Variants in LARP4B observed in about 807,000 individuals in gnomAD.
The protein encoded by LARP4B is la-related protein 4B.
Under a neutral mutation model 89.8 loss-of-function variants are expected in LARP4B, and 12 were observed. The observed-to-expected ratio is 0.13, with a 90% CI of 0.09 to 0.22. LARP4B has a LOEUF of 0.22. LARP4B is among the 10% of genes least tolerant of loss of function. LARP4B has a pLI of 1.00. For missense variants in LARP4B, 757 were observed against 947.7 expected, an observed-to-expected ratio of 0.80 and a Z score of 2.64; for synonymous variants, 367 against 363.3, an observed-to-expected ratio of 1.01 and a Z score of -0.12.
intron 1 of LARP4B, among the ~76,000 whole-genome samples, chr10:907,362 T>C (rs144897663): frequency 8.0e-4 from 122 of 152,270 alleles, no homozygotes; most frequent in African/African-American, 2.9e-3. Flanking sequence ...TTCCAAGTGG[T>C]GTAATAAGGG....
intron 1 of LARP4B, among the ~76,000 whole-genome samples, chr10:898,854 C>A (rs921445972): frequency 4.6e-5 from 7 of 152,320 alleles, no homozygotes; most frequent in Non-Finnish European, 1.0e-4. Flanking sequence ...CTACTAAGTT[C>A]AGTGAGGCTA....
At chr10:836,177 A>G (rs1419886364) in intron 8 of LARP4B, among the ~76,000 whole-genome samples, 1 of 152,198 alleles carries the variant, frequency 6.6e-6, no homozygotes, top group Non-Finnish European at 1.5e-5. Flanking sequence ...AGAAATGCAT[A>G]AACCTTCACT....
chr10:967,243 G>A, the LARP4B span, among the ~76,000 whole-genome samples: 1 of 152,204 alleles, frequency 6.6e-6, no homozygotes, highest in African/African-American at 2.4e-5. Context: ...AATGGGCGCA[G>A]CGCAGGGAGG....
At chr10:860,980 C>T (rs567152642) in intron 5 of LARP4B, among the ~76,000 whole-genome samples, 1 of 152,106 alleles carries the variant, frequency 6.6e-6, no homozygotes, top group Non-Finnish European at 1.5e-5. Context: ...CACGGTGAAA[C>T]CCCGTCTCTA....
intron 1 of LARP4B, among the ~76,000 whole-genome samples, chr10:929,712 T>A (rs117724916): frequency 2.6e-5 from 4 of 152,076 alleles, no homozygotes; most frequent in African/African-American, 9.7e-5. Context: ...CCTGTTACAA[T>A]TGAGAAAATG....
the LARP4B span, chr10:985,378 A>G: frequency 6.6e-6 from 1 of 152,252 alleles, no homozygotes; most frequent in East Asian, 1.9e-4. Context: ...AGGGTTAGTG[A>G]AAAGCTAAAA....
Position 814,763 on chromosome 10 carries a change from C to A in LARP4B, c.1908G>T (p.Val636=). 1 of 1,599,802 alleles carries A rather than the reference C, an allele frequency of 6.3e-7. No homozygotes were observed. Among genetic ancestry groups the A allele is most frequent in the East Asian group, 2.3e-5 (1 of 43,938 alleles). The change falls in exon 17 of 18, where the codon GTG becomes GTT. Residue 636 remains valine (V), a synonymous_variant. Transcript: ENST00000316157. The surrounding 1 kb of genome is among the most constrained non-coding windows in gnomAD (Gnocchi z 4.4). The part of the protein sequence containing the change: ...SALTATACKS[V]QVNGAATELR... ...GTACCGTGGCGGCTCCGTTCACCTG[C>A]ACCGATTTACACGCGGTCGCAGTGA...
chr10:862,166 A>G (rs929906067), intron 5 of LARP4B, among the ~76,000 whole-genome samples: 20 of 152,050 alleles, frequency 1.3e-4, no homozygotes, highest in Non-Finnish European at 1.3e-4. Context: ...TATATTTACA[A>G]GAAACAAGCA....
At chr10:861,173 C>T (rs1392977463) in intron 5 of LARP4B, among the ~76,000 whole-genome samples, 1 of 152,044 alleles carries the variant, frequency 6.6e-6, no homozygotes, top group Non-Finnish European at 1.5e-5. Flanking sequence ...AAAAAACAGA[C>T]CACCGGTTCC....
Position 825,890 on chromosome 10 carries a change from G to A in LARP4B, c.1126-20C>T, listed in dbSNP as rs761651103. 1.3e-6 allele frequency: 2 copies of A among 1,493,422 alleles called. No homozygotes were observed. Among genetic ancestry groups the A allele is most frequent in the Non-Finnish European group, 1.9e-6 (2 of 1,077,548 alleles). The allele number at this position is 1,493,422 out of a possible 1,614,324, so 92.5% of individuals were successfully genotyped here. ...AGTTACCTAGATTCATTTGAAAACA[G>A]ACAAGTAAATAAACCATAAAACAGA... On this transcript the variant is annotated intron_variant, in intron 11 of 17. Transcript: ENST00000316157.
intron 8 of LARP4B, among the ~76,000 whole-genome samples, chr10:835,261 T>C (rs566682181): frequency 3.9e-5 from 6 of 152,316 alleles, no homozygotes; most frequent in African/African-American, 1.4e-4. Context: ...GAGAGCTTTG[T>C]TGGAATCCTG....
chr10:921,506 A>G (rs1283619663), intron 1 of LARP4B, among the ~76,000 whole-genome samples: 2 of 152,030 alleles, frequency 1.3e-5, no homozygotes, highest in African/African-American at 4.8e-5. Flanking sequence ...TGGCAGGGGG[A>G]CGCGGGGAGG....
chr10:819,966 GCTAA>G (rs1317935583), intron 14 of LARP4B: 1 of 152,214 alleles, frequency 6.6e-6, no homozygotes, highest in South Asian at 2.1e-4. Flanking sequence ...CGTGGGTACT[GCTAA>G]CTGCCACCTT....
intron 1 of LARP4B, among the ~76,000 whole-genome samples, chr10:925,663 A>G (rs1837116382): frequency 6.6e-6 from 1 of 151,990 alleles, no homozygotes; most frequent in Admixed American, 6.6e-5. Flanking sequence ...CCTCCCAAGT[A>G]GCTGGGATTA....
intron 1 of LARP4B, among the ~76,000 whole-genome samples, chr10:890,987 T>C (rs1836001077): frequency 6.6e-6 from 1 of 152,138 alleles, no homozygotes; most frequent in Admixed American, 6.5e-5. Context: ...TTTGCCAACA[T>C]TAATTTCCAG....
intron 8 of LARP4B, 34 bp downstream of exon 8, chr10:836,369 T>C (rs928665962): frequency 1.4e-6 from 2 of 1,399,800 alleles, no homozygotes; most frequent in African/African-American, 1.4e-5. Context: ...TTTGGGAAAA[T>C]GTCCAAGTAA....
chr10:856,671 C>G (rs1834318247), intron 5 of LARP4B, among the ~76,000 whole-genome samples: 1 of 152,180 alleles, frequency 6.6e-6, no homozygotes, highest in Admixed American at 6.5e-5. Context: ...GGTTCCTGCA[C>G]TTTTGTGACT....
At chr10:922,737 T>C (rs1424369203) in intron 1 of LARP4B, among the ~76,000 whole-genome samples, 2 of 152,018 alleles carry the variant, frequency 1.3e-5, no homozygotes, top group African/African-American at 4.8e-5. Context: ...ACTGGAGGTA[T>C]GGATATTAAC....
intron 3 of LARP4B, among the ~76,000 whole-genome samples, chr10:880,280 AAT>A (rs1336917256): frequency 6.6e-6 from 1 of 152,188 alleles, no homozygotes; most frequent in Non-Finnish European, 1.5e-5. Flanking sequence ...ATTGCTAATT[AAT>A]AGTTATTCAT....
Sources: gnomAD v4.1 joint callset for allele counts (sites outside exome capture counted in the v4.1 genomes callset) on GRCh38, gnomAD v4.1.1 for gene constraint, Gnocchi (gnomAD v3.1) non-coding constraint, MANE v1.5 for transcripts, NCBI Gene and HGNC (gene_info 2026-07-23, HGNC 2026-07-21) for gene names.